RPS6KC1: variants seen among roughly 807,000 people sequenced by gnomAD.
RPS6KC1 encodes the protein inactive ribosomal protein S6 kinase delta-1.
Under a neutral mutation model 103.8 loss-of-function variants are expected in RPS6KC1, and 54 were observed. The observed-to-expected ratio is 0.52, with a 90% CI of 0.42 to 0.65. The LOEUF (loss-of-function observed/expected upper bound fraction) is 0.65, where lower values mean the gene tolerates loss of function less well. RPS6KC1 is among the 30% of genes least tolerant of loss of function. The pLI, the probability that RPS6KC1 is intolerant of heterozygous loss-of-function variation, is 0.00. For missense variants in RPS6KC1, 1,151 were observed against 1,253.8 expected (o/e 0.92, Z 1.24); for synonymous variants, 439 against 438.7 (o/e 1.00, Z -0.01).
the RPS6KC1 span, among the ~76,000 whole-genome samples, chr1:213,443,307 G>T: frequency 6.6e-6 from 1 of 152,130 alleles, no homozygotes; most frequent in African/African-American, 2.4e-5. Flanking sequence ...CTTGAATATT[G>T]TTGGGACAAG....
At chr1:213,846,112 G>A in the RPS6KC1 span, among the ~76,000 whole-genome samples, 1 of 145,842 alleles carries the variant, frequency 6.9e-6, no homozygotes, top group African/African-American at 2.5e-5. Context: ...CCAACATGGT[G>A]AAACCCCGTC....
chr1:213,055,129 T>C (rs1291154513), intron 1 of RPS6KC1, among the ~76,000 whole-genome samples: 1 of 152,206 alleles, frequency 6.6e-6, no homozygotes, highest in Non-Finnish European at 1.5e-5. Flanking sequence ...AAGTGTCCAA[T>C]TTGATGAGTT....
intron 10 of RPS6KC1, among the ~76,000 whole-genome samples, chr1:213,237,409 G>A (rs1394674184): frequency 1.3e-5 from 2 of 152,060 alleles, no homozygotes; most frequent in African/African-American, 4.8e-5. Flanking sequence ...GCTTAGAATA[G>A]TACCTGGTAC....
chr1:213,470,007 G>A, the RPS6KC1 span, among the ~76,000 whole-genome samples: 12 of 152,096 alleles, frequency 7.9e-5, no homozygotes, highest in African/African-American at 2.7e-4. Context: ...AGAGACCTGG[G>A]TGACAACCTG....
the RPS6KC1 span, among the ~76,000 whole-genome samples, chr1:213,352,082 T>G: frequency 6.6e-6 from 1 of 152,110 alleles, no homozygotes; most frequent in African/African-American, 2.4e-5. Context: ...AGGCAAAAAT[T>G]AGCTCCAAAT....
At chr1:213,199,872 TAATCCC>T (rs2093092800) in intron 8 of RPS6KC1, among the ~76,000 whole-genome samples, 1 of 152,022 alleles carries the variant, frequency 6.6e-6, no homozygotes, top group African/African-American at 2.4e-5. Context: ...ATCCAGAATG[TAATCCC>T]ATTCATAATT....
chr1:213,675,041 C>T, the RPS6KC1 span, among the ~76,000 whole-genome samples: 1 of 152,140 alleles, frequency 6.6e-6, no homozygotes, highest in Admixed American at 6.5e-5. Context: ...GGTATTAGAC[C>T]TTTGTTGGTT....
chr1:213,379,036 G>A, the RPS6KC1 span, among the ~76,000 whole-genome samples: 1 of 152,206 alleles, frequency 6.6e-6, no homozygotes, highest in Non-Finnish European at 1.5e-5. Context: ...CTCGGCAAGG[G>A]TTGGGTGGTT....
intron 8 of RPS6KC1, among the ~76,000 whole-genome samples, chr1:213,217,354 A>G (rs1471084297): frequency 1.3e-5 from 2 of 152,220 alleles, no homozygotes; most frequent in African/African-American, 2.4e-5. Context: ...GACCAATAAC[A>G]GGCTCTGAAA....
intron 4 of RPS6KC1, among the ~76,000 whole-genome samples, chr1:213,106,196 C>T (rs1339176208): frequency 1.3e-5 from 2 of 151,638 alleles, no homozygotes; most frequent in Admixed American, 6.6e-5. Context: ...TTGGGAATAT[C>T]AGAGCAGTGG....
the RPS6KC1 span, among the ~76,000 whole-genome samples, chr1:213,482,495 G>A: frequency 2.4e-4 from 35 of 143,912 alleles, no homozygotes; most frequent in African/African-American, 8.9e-4. Context: ...TTTGTAAGGA[G>A]CTTATATTTA....
At chr1:213,313,999 G>A in the RPS6KC1 span, among the ~76,000 whole-genome samples, 1 of 152,014 alleles carries the variant, frequency 6.6e-6, no homozygotes, top group Admixed American at 6.6e-5. Flanking sequence ...TCCCAGTTCT[G>A]GAGGCTACGA....
chr1:213,204,360 T>C (rs1278818910), intron 8 of RPS6KC1, among the ~76,000 whole-genome samples: 1 of 152,208 alleles, frequency 6.6e-6, no homozygotes, highest in Non-Finnish European at 1.5e-5. Context: ...GATTTTCCTT[T>C]ATGGTTTGCC....
intron 6 of RPS6KC1, among the ~76,000 whole-genome samples, chr1:213,151,529 G>A (rs1296859831): frequency 3.0e-4 from 19 of 63,272 alleles, no homozygotes; most frequent in African/African-American, 6.9e-4. Flanking sequence ...GGGGCTCCTC[G>A]CTTCCCAGTA....
intron 1 of RPS6KC1, among the ~76,000 whole-genome samples, chr1:213,067,179 C>G (rs552201379): frequency 1.2e-4 from 19 of 152,254 alleles, no homozygotes; most frequent in African/African-American, 4.6e-4. Flanking sequence ...CAAGCTGTGC[C>G]CCTACCACCT....
At chr1:213,526,862 A>G in the RPS6KC1 span, among the ~76,000 whole-genome samples, 1 of 152,234 alleles carries the variant, frequency 6.6e-6, no homozygotes, top group East Asian at 1.9e-4. Context: ...AGTAATAAAA[A>G]TTGCATTTAT....
Position 213,237,926 on chromosome 1 carries a change from C to T in RPS6KC1, c.1226-2776C>T, listed in dbSNP as rs929632740. Among the ~76,000 whole-genome samples, 8 of 151,576 alleles carry T rather than the reference C, an allele frequency of 5.3e-5. 1 individual carries two copies. The highest frequency in any genetic ancestry group is 3.3e-4 in the Admixed American group (5 of 15,194). ...ATATGTCTTTGGAAGAACGTACGGC[C>T]CCCAAAATGACATTATACTTATAGA... On this transcript the variant is annotated intron_variant, in intron 10 of 14. Coordinates refer to ENST00000366960, the MANE Select transcript of RPS6KC1 (RefSeq NM_012424.6).
At position 213,060,932 on chromosome 1, in the gene RPS6KC1, A is replaced by G. The variant is rs192044823; in HGVS notation, c.105+9423A>G. 4.6e-5 allele frequency among the ~76,000 whole-genome samples: 7 copies of G among 151,912 alleles called. No individual in the cohort carries two copies. In the East Asian group the frequency reaches 7.7e-4, roughly 17 times the overall value. On this transcript the variant is annotated intron_variant, in intron 1 of 14. Transcript: ENST00000366960. ...AGACTAGATGGCTTCAACAATAGAC[A>G]TTTCTTTCCCACAGTTCTGAAGGCT...
the RPS6KC1 span, among the ~76,000 whole-genome samples, chr1:213,466,155 A>C: frequency 6.6e-6 from 1 of 152,164 alleles, no homozygotes; most frequent in South Asian, 2.1e-4. Context: ...ATCTAGAAAC[A>C]ATGTTCACCA....
Sources: allele counts gnomAD v4.1 joint callset (sites outside exome capture counted in the v4.1 genomes callset), GRCh38; gene constraint gnomAD v4.1.1; transcripts MANE v1.5; gene names NCBI Gene and HGNC (gene_info 2026-07-23, HGNC 2026-07-21).